The following ZFHX4 variants were observed in gnomAD, a reference collection of about 807,000 sequenced individuals.
ZFHX4 encodes the protein zinc finger homeobox protein 4.
A neutral mutation model predicts 267.6 loss-of-function variants in ZFHX4; 56 were observed. That is an observed-to-expected ratio of 0.21 (90% CI 0.17 to 0.26). The LOEUF (loss-of-function observed/expected upper bound fraction) is 0.26, where lower values mean the gene tolerates loss of function less well. ZFHX4 is among the 10% of genes least tolerant of loss of function. The pLI, the probability that ZFHX4 is intolerant of heterozygous loss-of-function variation, is 1.00. For synonymous variants in ZFHX4, 1,778 were observed against 1,665.6 expected (o/e 1.07, Z -1.64); for missense variants, 4,332 against 4,420.0 (o/e 0.98, Z 0.56).
At chr8:76,848,936 T>A (rs1292277459) in intron 6 of ZFHX4, 59 bp from the exon 7 acceptor site, 1 of 1,421,702 alleles carries the variant, frequency 7.0e-7, no homozygotes, top group East Asian at 2.7e-5. Flanking sequence ...AAAACATAAT[T>A]TTTCTCATTT....
intron 4 of ZFHX4, among the ~76,000 whole-genome samples, chr8:76,829,175 C>T (rs774419626): frequency 6.6e-6 from 1 of 150,780 alleles, no homozygotes; most frequent in Non-Finnish European, 1.5e-5. Context: ...TAATTCTCTG[C>T]ATAAATATCT....
At chr8:76,833,812 G>A (rs1368521927) in intron 5 of ZFHX4, among the ~76,000 whole-genome samples, 2 of 152,082 alleles carry the variant, frequency 1.3e-5, no homozygotes, top group Non-Finnish European at 2.9e-5. Flanking sequence ...CAAAAGCATA[G>A]TGACATGGAT....
At chr8:76,806,061 T>C (rs964552593) in intron 4 of ZFHX4, among the ~76,000 whole-genome samples, 3 of 152,118 alleles carry the variant, frequency 2.0e-5, no homozygotes, top group Non-Finnish European at 4.4e-5. Context: ...ATAACCTTCA[T>C]TTCCCATCCT....
intron 3 of ZFHX4, among the ~76,000 whole-genome samples, chr8:76,747,822 C>T (rs1368798964): frequency 6.6e-6 from 1 of 152,108 alleles, no homozygotes; most frequent in Non-Finnish European, 1.5e-5. Context: ...AACCCAGCTA[C>T]TCAGGAGGCT....
At chr8:76,848,240 GA>G (rs1449558837) in intron 6 of ZFHX4, among the ~76,000 whole-genome samples, 1 of 152,098 alleles carries the variant, frequency 6.6e-6, no homozygotes, top group African/African-American at 2.4e-5. Flanking sequence ...ATTGATGCTG[GA>G]AAGAATTTTC....
chr8:76,705,387 C>T lies in ZFHX4; in HGVS notation c.1299C>T (p.Ser433=), dbSNP rs371554476. ...VSLSHSSSES[S]KMSESKDQEN... ...TCAGCCACTCATCGTCTGAGTCTAG[C>T]AAGATGTCAGAGAGCAAAGACCAAG... Residue 433 remains serine (S), a synonymous_variant, in exon 2 of 11, where the codon AGC becomes AGT. Transcript: ENST00000651372. The T allele has an allele frequency of 9.5e-5, 154 of 1,613,756 alleles. No individual in the cohort carries two copies. The highest frequency in any genetic ancestry group is 1.2e-4 in the Non-Finnish European group (145 of 1,179,896).
chr8:76,819,169 A>G (rs1339735453), intron 4 of ZFHX4, among the ~76,000 whole-genome samples: 1 of 144,856 alleles, frequency 6.9e-6, no homozygotes, highest in South Asian at 2.2e-4. Context: ...TTTTTAACTC[A>G]CAAAAAGTAT....
At chr8:76,746,718 C>T (rs895511629) in intron 3 of ZFHX4, among the ~76,000 whole-genome samples, 1 of 152,140 alleles carries the variant, frequency 6.6e-6, no homozygotes. Flanking sequence ...ATGAAAGAGT[C>T]TTTACATGTG....
chr8:76,773,067 C>T (rs778074595), intron 3 of ZFHX4, among the ~76,000 whole-genome samples: 2 of 152,134 alleles, frequency 1.3e-5, no homozygotes, highest in Admixed American at 1.3e-4. Flanking sequence ...GAAGGCTTTG[C>T]GTCATCTGGA....
At chr8:76,829,578 AG>A (rs1205216350) in intron 4 of ZFHX4, among the ~76,000 whole-genome samples, 1 of 152,116 alleles carries the variant, frequency 6.6e-6, no homozygotes, top group African/African-American at 2.4e-5. Flanking sequence ...TGGGAGGCCG[AG>A]GTGGGCAGAT....
chr8:76,760,309 T>C (rs1809875738), intron 3 of ZFHX4, among the ~76,000 whole-genome samples: 1 of 152,180 alleles, frequency 6.6e-6, no homozygotes, highest in Non-Finnish European at 1.5e-5. Context: ...ATTGCGGCCT[T>C]TGAGCAGACA....
chr8:76,732,799 A>C (rs1238811794), intron 3 of ZFHX4, among the ~76,000 whole-genome samples: 1 of 152,150 alleles, frequency 6.6e-6, no homozygotes, highest in African/African-American at 2.4e-5. Flanking sequence ...CTGAAGCTGC[A>C]TTTCTAATAA....
rs138949141 is a variant in ZFHX4 at position 76,693,861 on chromosome 8, T to C, written c.-46-10182T>C. 2.3e-3 allele frequency among the ~76,000 whole-genome samples: 353 copies of C among 152,314 alleles called. 2 individuals are homozygous for C. The highest frequency in any genetic ancestry group is 8.2e-3 in the African/African-American group (340 of 41,566). On this transcript the variant is annotated intron_variant, in intron 1 of 10. Coordinates refer to ENST00000651372, the MANE Select transcript of ZFHX4 (RefSeq NM_024721.5). ...TAGAAGTCTGTTTAAGTGCTCACTG[T>C]CAACAAGGAAATCATGGGCAGCACT...
intron 1 of ZFHX4, chr8:76,683,390 C>CA (rs1807600905): frequency 7.0e-6 from 1 of 141,924 alleles, no homozygotes; most frequent in African/African-American, 2.7e-5. Flanking sequence ...TACACACACA[C>CA]ACAACAACAT....
rs1247925584 is a variant in ZFHX4 at position 76,864,179 on chromosome 8, T to G, written c.10465T>G (p.Leu3489Val). The G allele has an allele frequency of 6.2e-7, 1 of 1,613,812 alleles. No individual in the cohort carries two copies. Among genetic ancestry groups the G allele is most frequent in the Non-Finnish European group, 8.5e-7 (1 of 1,179,860 alleles). Reference protein sequence around the residue: ...AMRNAKEHVRLLPHSVCSPNP... With the variant: ...AMRNAKEHVRVLPHSVCSPNP... Reference sequence around the variant, plus strand: ...GAGAAATGCCAAAGAGCATGTTAGATTATTACCTCACTCAGTCTGCTCCCC... The same window carrying G: ...GAGAAATGCCAAAGAGCATGTTAGAGTATTACCTCACTCAGTCTGCTCCCC... The change falls in exon 11 of 11, where the codon TTA becomes GTA. Residue 3489 changes from leucine (L) to valine (V), a missense_variant. Leu to Val is a conservative substitution (Grantham distance 32). Around this residue, in one of 7 missense-constraint regions of ZFHX4, gnomAD observed 1,648 missense variants for 1,625.0 expected, o/e 1.01. Coordinates refer to ENST00000651372, the MANE Select transcript of ZFHX4 (RefSeq NM_024721.5).
chr8:76,794,060 CTTT>C (rs534340830), intron 4 of ZFHX4, among the ~76,000 whole-genome samples: 158 of 152,182 alleles, frequency 1.0e-3, no homozygotes, highest in African/African-American at 3.6e-3. Context: ...CTTAACAGAA[CTTT>C]TTTATTTTTT....
Position 76,852,612 on chromosome 8 carries a change from A to C in ZFHX4, c.5691A>C (p.Pro1897=), listed in dbSNP as rs1360935913. 1 of 1,612,160 alleles carries C rather than the reference A, an allele frequency of 6.2e-7. No individual in the cohort carries two copies. The highest frequency in any genetic ancestry group is 1.7e-5 in the Admixed American group (1 of 59,752). The change falls in exon 10 of 11, where the codon CCA becomes CCC. Residue 1897 remains proline (P), a synonymous_variant. Transcript: ENST00000651372. ...AATCCTTGGAACCATCCATCCCACCACCCCGAATAGCTTCAGGGGCCAGAG... is the reference window on the plus strand; with the variant it reads ...AATCCTTGGAACCATCCATCCCACCCCCCCGAATAGCTTCAGGGGCCAGAG... The part of the protein sequence containing the change: ...KQKSLEPSIP[P]PRIASGARGN...
chr8:76,847,128 T>C (rs538769084), intron 6 of ZFHX4, among the ~76,000 whole-genome samples: 6 of 152,306 alleles, frequency 3.9e-5, no homozygotes, highest in African/African-American at 1.2e-4. Flanking sequence ...TTTGACACTT[T>C]AAGCAGTAAG....
chr8:76,847,615 A>T (rs1812398156), intron 6 of ZFHX4, among the ~76,000 whole-genome samples: 1 of 152,052 alleles, frequency 6.6e-6, no homozygotes, highest in East Asian at 1.9e-4. Flanking sequence ...TTTAAATTAT[A>T]TTTTAATTTT....
Sources: gnomAD v4.1 joint callset for allele counts (sites outside exome capture counted in the v4.1 genomes callset) on GRCh38, gnomAD v4.1.1 for gene constraint, gnomAD v4.1.1 regional missense constraint, MANE v1.5 for transcripts, NCBI Gene and HGNC (gene_info 2026-07-23, HGNC 2026-07-21) for gene names.